TENM2: variants seen among roughly 807,000 people sequenced by gnomAD.
The protein encoded by TENM2 is teneurin-2.
Under a neutral mutation model 245.2 loss-of-function variants are expected in TENM2, and 52 were observed. The ratio of observed to expected loss-of-function variants is 0.21; its 90% CI spans 0.17 to 0.27. The LOEUF (loss-of-function observed/expected upper bound fraction) is 0.27, where lower values mean the gene tolerates loss of function less well. TENM2 is among the 10% of genes least tolerant of loss of function. The pLI is 1.00. For synonymous variants in TENM2, 1,363 were observed against 1,438.9 expected, an observed-to-expected ratio of 0.95 and a Z score of 1.19; for missense variants, 3,046 against 3,666.8, an observed-to-expected ratio of 0.83 and a Z score of 4.37.
At chr5:167,571,704 G>T (rs1774274422) in intron 2 of TENM2, among the ~76,000 whole-genome samples, 1 of 152,200 alleles carries the variant, frequency 6.6e-6, no homozygotes, top group Non-Finnish European at 1.5e-5. Flanking sequence ...ATGTTTTGCA[G>T]ATGCTGTTCA....
At chr5:167,235,227 A>G in the TENM2 span, among the ~76,000 whole-genome samples, 30 of 152,246 alleles carry the variant, frequency 2.0e-4, no homozygotes, top group Middle Eastern at 3.4e-3. Flanking sequence ...CACCAGCTGC[A>G]TTGGATTAGA....
the TENM2 span, among the ~76,000 whole-genome samples, chr5:167,141,865 C>A: frequency 6.6e-6 from 1 of 152,090 alleles, no homozygotes; most frequent in African/African-American, 2.4e-5. Context: ...TGATACATAG[C>A]AAGGACAAAA....
chr5:168,003,898 C>T (rs538470970), intron 5 of TENM2, among the ~76,000 whole-genome samples: 13 of 152,274 alleles, frequency 8.5e-5, no homozygotes, highest in South Asian at 6.2e-4. Context: ...AGGAGGGCCT[C>T]GAGAAACAAC....
chr5:168,109,032 C>G (rs1183732854), intron 9 of TENM2, among the ~76,000 whole-genome samples: 1 of 152,164 alleles, frequency 6.6e-6, no homozygotes, highest in African/African-American at 2.4e-5. Context: ...TTCCATCATT[C>G]ATACCCATCT....
At chr5:167,171,131 C>G in the TENM2 span, among the ~76,000 whole-genome samples, 83 of 152,256 alleles carry the variant, frequency 5.5e-4, no homozygotes, top group African/African-American at 1.7e-3. Flanking sequence ...CCCTTTGGCT[C>G]TGTTCCAGCC....
chr5:167,363,672 A>G (rs1208919005), intron 1 of TENM2, among the ~76,000 whole-genome samples: 1 of 145,602 alleles, frequency 6.9e-6, no homozygotes, highest in African/African-American at 2.5e-5. Flanking sequence ...TGGAGCTTGC[A>G]GTGAGACGAG....
intron 2 of TENM2, among the ~76,000 whole-genome samples, chr5:167,479,447 G>A (rs961717747): frequency 2.0e-5 from 3 of 152,034 alleles, no homozygotes; most frequent in Non-Finnish European, 2.9e-5. Flanking sequence ...AAACTCATTG[G>A]CATCCAGATT....
intron 2 of TENM2, among the ~76,000 whole-genome samples, chr5:167,540,603 A>G (rs989837334): frequency 2.6e-5 from 4 of 152,210 alleles, no homozygotes; most frequent in African/African-American, 9.7e-5. Flanking sequence ...CACAAAGTCT[A>G]AAATATTTAT....
intron 14 of TENM2, 37 bp downstream of exon 16, chr5:168,190,584 CT>C (rs760347256): frequency 1.9e-6 from 3 of 1,575,864 alleles, no homozygotes; most frequent in Non-Finnish European, 2.6e-6. Context: ...CCTGAAGTCT[CT>C]GATTTTCTTC....
At chr5:168,155,271 A>G (rs553674796) in intron 12 of TENM2, among the ~76,000 whole-genome samples, 2 of 152,182 alleles carry the variant, frequency 1.3e-5, no homozygotes, top group Non-Finnish European at 2.9e-5. Flanking sequence ...TCTGGAATGT[A>G]ATGGCAGACT....
intron 3 of TENM2, among the ~76,000 whole-genome samples, chr5:167,929,814 TAG>T (rs1468571758): frequency 6.6e-6 from 1 of 152,110 alleles, no homozygotes; most frequent in African/African-American, 2.4e-5. Flanking sequence ...CAAGCAAAAA[TAG>T]AGACTGACAA....
chr5:167,107,356 T>G, the TENM2 span, among the ~76,000 whole-genome samples: 1 of 152,048 alleles, frequency 6.6e-6, no homozygotes. Flanking sequence ...AAGTTGTACG[T>G]GGTGGAGTAC....
intron 2 of TENM2, among the ~76,000 whole-genome samples, chr5:167,418,475 A>G (rs1033055108): frequency 6.6e-6 from 1 of 152,154 alleles, no homozygotes; most frequent in Non-Finnish European, 1.5e-5. Flanking sequence ...ATTATATTTT[A>G]ATATTTTCAT....
At chr5:168,241,940 A>G (rs1212826381) in intron 25 of TENM2, among the ~76,000 whole-genome samples, 1 of 152,164 alleles carries the variant, frequency 6.6e-6, no homozygotes, top group East Asian at 1.9e-4. Context: ...CCTTGGCTGT[A>G]TGGATGAACA....
intron 2 of TENM2, among the ~76,000 whole-genome samples, chr5:167,731,131 G>A (rs541406663): frequency 1.3e-5 from 2 of 150,246 alleles, no homozygotes; most frequent in African/African-American, 2.5e-5. Context: ...AATCTTTCAC[G>A]TTTTATATTA....
At chr5:168,217,125 A>G (rs1172206973) in intron 22 of TENM2, among the ~76,000 whole-genome samples, 2 of 152,086 alleles carry the variant, frequency 1.3e-5, no homozygotes, top group Non-Finnish European at 2.9e-5. Flanking sequence ...AGAGAGAGAG[A>G]GCAAGAGAGA....
Position 167,364,254 on chromosome 5 carries a change from G to T in TENM2, c.227-10944G>T, listed in dbSNP as rs536869229. Among the ~76,000 whole-genome samples, 39 of 152,104 alleles carry T rather than the reference G, an allele frequency of 2.6e-4. No individual in the cohort carries two copies. In the South Asian group the frequency reaches 2.9e-3, roughly 11 times the overall value. On this transcript the variant is annotated intron_variant, in intron 1 of 28. Transcript: ENST00000518659. The stretch of plus-strand genomic sequence containing the variant: ...TCAAGTAAGATTAGAATGCTAAATA[G>T]ACTGGTACAACATACGTATTGTAGT...
the TENM2 span, among the ~76,000 whole-genome samples, chr5:167,134,120 T>C: frequency 6.6e-6 from 1 of 152,196 alleles, no homozygotes; most frequent in Non-Finnish European, 1.5e-5. Flanking sequence ...ACTTTGCTAT[T>C]TTAAATAACA....
intron 4 of TENM2, among the ~76,000 whole-genome samples, chr5:167,989,590 G>A (rs139443094): frequency 6.6e-6 from 1 of 152,154 alleles, no homozygotes; most frequent in African/African-American, 2.4e-5. Flanking sequence ...TGAAACTTAG[G>A]TCTCATCTTT....
Sources: allele counts gnomAD v4.1 joint callset (sites outside exome capture counted in the v4.1 genomes callset), GRCh38; gene constraint gnomAD v4.1.1; transcripts MANE v1.5; gene names NCBI Gene and HGNC (gene_info 2026-07-23, HGNC 2026-07-21).